The following SYT13 variants were observed in gnomAD, a reference collection of about 807,000 sequenced individuals.
SYT13 encodes synaptotagmin 13.
A neutral mutation model predicts 38.6 loss-of-function variants in SYT13; 21 were observed. The observed-to-expected ratio is 0.54, with a 90% CI of 0.39 to 0.78. SYT13 has a LOEUF of 0.78. SYT13 is among the 30% of genes least tolerant of loss of function. SYT13 has a pLI of 0.00. For synonymous variants in SYT13, 241 were observed against 237.6 expected, an observed-to-expected ratio of 1.01 and a Z score of -0.13; for missense variants, 495 against 548.7, an observed-to-expected ratio of 0.90 and a Z score of 0.98.
At chr11:45,246,302 T>C in intron 5 of SYT13, 81 bp downstream of exon 5, 1 of 1,565,290 alleles carries the variant, frequency 6.4e-7, no homozygotes. Flanking sequence ...CCTGTGACCA[T>C]TTCCTCCCAG....
rs776550312 is a variant in SYT13 at position 45,286,066 on chromosome 11, G to C, written c.142C>G (p.Leu48Val). The change falls in exon 1 of 6, where the codon CTG becomes GTG. Residue 48 changes from leucine to valine, a missense_variant. Coordinates refer to ENST00000020926, the MANE Select transcript of SYT13 (RefSeq NM_020826.3). The part of the protein sequence containing the change: ...GLLPRDQDPD[L>V]EKAKPSLLGS... ...AGCAAGCTGGGCTTCGCCTTCTCCA[G>C]GTCGGGGTCCTGGTCCCGCGGCAGC... 3 of 1,609,842 alleles carry C rather than the reference G, an allele frequency of 1.9e-6. No homozygotes were observed. Among genetic ancestry groups the C allele is most frequent in the Non-Finnish European group, 1.7e-6 (2 of 1,179,554 alleles).
chr11:45,277,964 T>A (rs550469598), intron 1 of SYT13, among the ~76,000 whole-genome samples: 38 of 152,332 alleles, frequency 2.5e-4, no homozygotes, highest in African/African-American at 8.9e-4. Flanking sequence ...AAGAGGGTAG[T>A]TACCACTGTA....
intron 1 of SYT13, among the ~76,000 whole-genome samples, chr11:45,283,612 A>G (rs1855099454): frequency 6.6e-6 from 1 of 152,224 alleles, no homozygotes; most frequent in African/African-American, 2.4e-5. Flanking sequence ...CAGCTTCAAC[A>G]CATTCACACC....
chr11:45,254,367 G>A lies in SYT13; in HGVS notation c.447C>T (p.Asn149=). ...GGTTCCAACTGGCAGCCTTCTCTGGGTTCCAGGTCTCCATGACACAGACAT... is the reference window on the plus strand; with the variant it reads ...GGTTCCAACTGGCAGCCTTCTCTGGATTCCAGGTCTCCATGACACAGACAT... The part of the protein sequence containing the change: ...VEDVCVMETW[N]PEKAASWNQA... The change falls in exon 3 of 6, where the codon AAC becomes AAT. Residue 149 remains asparagine, a synonymous_variant. Coordinates refer to ENST00000020926, the MANE Select transcript of SYT13 (RefSeq NM_020826.3). 1 of 1,613,484 alleles carries A rather than the reference G, an allele frequency of 6.2e-7. No individual in the cohort carries two copies. The highest frequency in any genetic ancestry group is 8.5e-7 in the Non-Finnish European group (1 of 1,179,772).
intron 1 of SYT13, among the ~76,000 whole-genome samples, chr11:45,270,052 C>T (rs1434975248): frequency 6.6e-6 from 1 of 152,176 alleles, no homozygotes; most frequent in African/African-American, 2.4e-5. Context: ...CTCCAGTGGC[C>T]ACAACAAGGC....
chr11:45,285,966 TGCAGCTGCCCG>T (rs1199743185), intron 1 of SYT13, 48 bp downstream of exon 1: 2 of 1,562,416 alleles, frequency 1.3e-6, no homozygotes, highest in Non-Finnish European at 1.7e-6. Flanking sequence ...GTTCCCCCTC[TGCAGCTGCCCG>T]GCAACCCCGC....
chr11:45,270,264 C>G (rs1046069958), intron 1 of SYT13, among the ~76,000 whole-genome samples: 3 of 152,200 alleles, frequency 2.0e-5, no homozygotes, highest in Non-Finnish European at 4.4e-5. Flanking sequence ...GATAGGAACA[C>G]AATTGTTTAA....
rs181753643 is a variant in SYT13, at chr11:45,250,942, G to C, written c.846+1479C>G. Among the ~76,000 whole-genome samples, 253 of 152,206 alleles carry C rather than the reference G, an allele frequency of 1.7e-3. 1 individual carries two copies. Among genetic ancestry groups the C allele is most frequent in the African/African-American group, 5.5e-3 (229 of 41,514 alleles). On this transcript the variant is annotated intron_variant, in intron 4 of 5. Transcript: ENST00000020926. ...CGGCCTCAAGGTCTGCCATTTCCTG[G>C]CTGTGGGACCCTGTGTGGATTCCTG... is the stretch of plus-strand genomic sequence containing the variant.
intron 1 of SYT13, among the ~76,000 whole-genome samples, chr11:45,279,201 C>T (rs1855044023): frequency 6.6e-6 from 1 of 152,152 alleles, no homozygotes; most frequent in Admixed American, 6.5e-5. Context: ...GAATATGTTA[C>T]TTAAGCTTTC....
intron 1 of SYT13, among the ~76,000 whole-genome samples, chr11:45,276,477 A>G (rs1306006743): frequency 1.3e-5 from 2 of 152,140 alleles, no homozygotes; most frequent in Non-Finnish European, 2.9e-5. Context: ...GAAATACCCA[A>G]GGTAGATGAC....
At chr11:45,283,312 G>T (rs906835400) in intron 1 of SYT13, among the ~76,000 whole-genome samples, 1 of 152,148 alleles carries the variant, frequency 6.6e-6, no homozygotes, top group Non-Finnish European at 1.5e-5. Context: ...AGAGACACTG[G>T]CTATTAGGCC....
Position 45,246,499 on chromosome 11 carries a change from C to A in SYT13, c.860G>T (p.Gly287Val). ...GATGGATAGTAGGACCTCTCCAGCT[C>A]CTGCAGATGGCTCCTGAAACAGAAA... ...LKTSAKEPSA[G>V]AGEVLLSISY... Residue 287 changes from glycine (G) to valine (V), a missense_variant, in exon 5 of 6, where the codon GGA becomes GTA. By Grantham distance (109) the Gly-to-Val change is moderately radical (BLOSUM62 -3). Transcript: ENST00000020926. The A allele has an allele frequency of 6.2e-7, 1 of 1,614,068 alleles. No individual in the cohort carries two copies. The highest frequency in any genetic ancestry group is 1.1e-5 in the South Asian group (1 of 91,066).
rs1196141348 is a variant in SYT13, at chr11:45,286,028, T to C, written c.180A>G (p.Gln60=). ...CCTGCGCGCCGCCCCCGCTCACCTGTTGTGCAGACCCGAGCAAGCTGGGCT... is the reference window on the plus strand; with the variant it reads ...CCTGCGCGCCGCCCCCGCTCACCTGCTGTGCAGACCCGAGCAAGCTGGGCT... The part of the protein sequence containing the change: ...KAKPSLLGSA[Q]QFNVKKSTEP... Residue 60 remains glutamine, a synonymous_variant, in exon 1 of 6, where the codon CAA becomes CAG. Coordinates refer to ENST00000020926, the MANE Select transcript of SYT13 (RefSeq NM_020826.3). 6.2e-7 allele frequency: 1 copy of C among 1,607,328 alleles called. No individual in the cohort carries two copies. Among genetic ancestry groups the C allele is most frequent in the East Asian group, 2.2e-5 (1 of 44,788 alleles).
intron 1 of SYT13, among the ~76,000 whole-genome samples, chr11:45,265,681 T>C (rs1854873727): frequency 6.6e-6 from 1 of 152,172 alleles, no homozygotes; most frequent in Non-Finnish European, 1.5e-5. Context: ...AATCCCATCA[T>C]GAGGGCTTTA....
In SYT13 at chr11:45,252,934, C is replaced by T. The variant is rs899904621; in HGVS notation, c.545-212G>A. On this transcript the variant is annotated intron_variant, in intron 3 of 5. Coordinates refer to ENST00000020926, the MANE Select transcript of SYT13 (RefSeq NM_020826.3). The surrounding 1 kb of genome is among the most constrained non-coding windows in gnomAD (Gnocchi z 4.3). ...GGGCTGGCCTCAGCACATGCCGATTCTCTTTCTTGGAGAGCAGGGACAAGA... is the reference window on the plus strand; with the variant it reads ...GGGCTGGCCTCAGCACATGCCGATTTTCTTTCTTGGAGAGCAGGGACAAGA... 2.2e-4 allele frequency among the ~76,000 whole-genome samples: 34 copies of T among 152,304 alleles called. No homozygotes were observed. The highest frequency in any genetic ancestry group is 7.5e-4 in the African/African-American group (31 of 41,574).
chr11:45,252,524 C>T lies in SYT13; in HGVS notation c.743G>A (p.Arg248His), dbSNP rs778599168. ...TLTLTLRTCD[R>H]FSRHSVAGEL... is the part of the protein sequence containing the mutation. Reference sequence around the variant, plus strand: ...CCCGGCCACGCTGTGACGGGAGAAGCGGTCGCAGGTCCTCAAGGTCAGCGT... The same window carrying T: ...CCCGGCCACGCTGTGACGGGAGAAGTGGTCGCAGGTCCTCAAGGTCAGCGT... The change falls in exon 4 of 6, where the codon CGC becomes CAC. Residue 248 changes from arginine (R) to histidine (H), a missense_variant. Physicochemically the swap from Arg to His is conservative, Grantham distance 29. Transcript: ENST00000020926. This position sits in a 1 kb window ranked among gnomAD's most constrained non-coding sequence, Gnocchi z 4.3. 5.0e-6 allele frequency: 8 copies of T among 1,614,048 alleles called. No individual in the cohort carries two copies. The highest frequency in any genetic ancestry group is 1.1e-5 in the South Asian group (1 of 91,080).
In SYT13 at chr11:45,244,250, C is replaced by A. The variant is rs1219544092; in HGVS notation, c.1083G>T (p.Met361Ile). Residue 361 changes from methionine (M) to isoleucine (I), a missense_variant, in exon 6 of 6, where the codon ATG (methionine) becomes ATT (isoleucine). Coordinates refer to ENST00000020926, the MANE Select transcript of SYT13 (RefSeq NM_020826.3). ...KINPVWNEMI[M>I]FELPDDLLQA... is the part of the protein sequence containing the mutation. Reference sequence around the variant, plus strand: ...GCAGCAGGTCGTCAGGCAGCTCAAACATGATCATCTCGTTCCACACGGGGT... The same window carrying A: ...GCAGCAGGTCGTCAGGCAGCTCAAAAATGATCATCTCGTTCCACACGGGGT... 6.2e-7 allele frequency: 1 copy of A among 1,614,066 alleles called. No homozygotes were observed.
chr11:45,262,882 G>A (rs986190776), intron 1 of SYT13, among the ~76,000 whole-genome samples: 3 of 152,042 alleles, frequency 2.0e-5, no homozygotes, highest in South Asian at 2.1e-4. Flanking sequence ...GGAGGAACTC[G>A]AGCCCTGTGA....
intron 1 of SYT13, among the ~76,000 whole-genome samples, chr11:45,276,772 G>A (rs984664463): frequency 1.3e-5 from 2 of 151,924 alleles, no homozygotes; most frequent in Non-Finnish European, 2.9e-5. Flanking sequence ...GCAAGGAGGT[G>A]GAGAAATGGG....
Sources: allele counts gnomAD v4.1 joint callset (sites outside exome capture counted in the v4.1 genomes callset), GRCh38; gene constraint gnomAD v4.1.1; non-coding constraint Gnocchi (gnomAD v3.1); transcripts MANE v1.5; gene names NCBI Gene and HGNC (gene_info 2026-07-23, HGNC 2026-07-21).